Variants in TFB1M observed in about 807,000 individuals in gnomAD.
The protein encoded by TFB1M is transcription factor B1, mitochondrial, also known as dimethyladenosine transferase 1, mitochondrial.
A neutral mutation model predicts 31.1 loss-of-function variants in TFB1M; 27 were observed. The observed-to-expected ratio is 0.87, with a 90% CI of 0.64 to 1.20. The LOEUF (loss-of-function observed/expected upper bound fraction) is 1.20, where lower values mean the gene tolerates loss of function less well. Ranked by LOEUF, TFB1M falls within the 50% of genes most tolerant of loss-of-function variation. The pLI, the probability that TFB1M is intolerant of heterozygous loss-of-function variation, is 0.00. For synonymous variants in TFB1M, 166 were observed against 151.8 expected (o/e 1.09, Z -0.69); for missense variants, 394 against 418.7 (o/e 0.94, Z 0.51).
chr6:155,307,170 T>C (rs1042538647), intron 2 of TFB1M, among the ~76,000 whole-genome samples: 110 of 135,878 alleles, frequency 8.1e-4, no homozygotes, highest in African/African-American at 2.6e-3. Flanking sequence ...CACACACATA[T>C]ACACACAGAC....
chr6:155,288,680 TC>T (rs1776772506), intron 4 of TFB1M, among the ~76,000 whole-genome samples: 1 of 152,158 alleles, frequency 6.6e-6, no homozygotes. Flanking sequence ...GTAGCATATA[TC>T]CCCAGGCTGT....
In TFB1M at chr6:155,264,631, G is replaced by GT. The variant is rs777088910; in HGVS notation, c.667-4232dup. On this transcript the variant is annotated intron_variant, in intron 5 of 6. Transcript: ENST00000367166. ...CCCTTTTTTCTTCCTACAGATCTTT[G>GT]TTTTTTTCTCTTTCTTCTTGGGATC... is the stretch of plus-strand genomic sequence containing the variant. Among the ~76,000 whole-genome samples, 36 of 152,058 alleles carry GT rather than the reference G, an allele frequency of 2.4e-4. 1 individual carries two copies. Among genetic ancestry groups the GT allele is most frequent in the Admixed American group, 6.5e-4 (10 of 15,284 alleles).
Position 155,265,355 on chromosome 6 carries a change from T to C in TFB1M, c.667-4955A>G, listed in dbSNP as rs118119163. On this transcript the variant is annotated intron_variant, in intron 5 of 6. Coordinates refer to ENST00000367166, the MANE Select transcript of TFB1M (RefSeq NM_016020.4). ...TTGATAAATGCTGCTAGTAATATTATTAAAAGACTGAGAAATAGAACATGC... is the reference window on the plus strand; with the variant it reads ...TTGATAAATGCTGCTAGTAATATTACTAAAAGACTGAGAAATAGAACATGC... Among the ~76,000 whole-genome samples the C allele has an allele frequency of 2.9e-4, 44 of 152,334 alleles. No individual in the cohort carries two copies. The East Asian group carries it at 8.5e-3, about 29-fold the overall frequency.
the TFB1M span, among the ~76,000 whole-genome samples, chr6:155,241,367 G>A: frequency 5.3e-5 from 8 of 152,278 alleles, no homozygotes; most frequent in Admixed American, 3.9e-4. Flanking sequence ...TTTGAAGCTC[G>A]CTTCATTTGT....
chr6:155,235,835 T>C, the TFB1M span, among the ~76,000 whole-genome samples: 1 of 152,238 alleles, frequency 6.6e-6, no homozygotes, highest in South Asian at 2.1e-4. Flanking sequence ...TTTTCTAAAA[T>C]GGCAAGATAC....
At chr6:155,237,277 C>T in the TFB1M span, among the ~76,000 whole-genome samples, 2 of 152,272 alleles carry the variant, frequency 1.3e-5, no homozygotes, top group Non-Finnish European at 2.9e-5. Context: ...CCAGGTCACA[C>T]TGATGCAAGA....
At chr6:155,276,990 T>C (rs973933498) in intron 5 of TFB1M, among the ~76,000 whole-genome samples, 5 of 152,254 alleles carry the variant, frequency 3.3e-5, no homozygotes, top group Non-Finnish European at 5.9e-5. Flanking sequence ...AAACTAAGAT[T>C]AGGCAGAACT....
rs773731882 is a variant in TFB1M at position 155,257,903 on chromosome 6, T to G, written c.974A>C (p.Glu325Ala). The G allele has an allele frequency of 1.9e-6, 3 of 1,614,230 alleles. No individual in the cohort carries two copies. The South Asian group carries it at 3.3e-5, about 18-fold the overall frequency. Residue 325 changes from glutamate (E) to alanine (A), a missense_variant, in exon 7 of 7, where the codon GAA (glutamate) becomes GCA (alanine). By Grantham distance (107) the Glu-to-Ala change is moderately radical. This residue lies in a region of TFB1M where 115 missense variants were observed against 144.1 expected (regional missense o/e 0.80). Transcript: ENST00000367166. ...ATTTTTGCTTTTTCTTCGCTTGAGT[T>G]CTTCTCTGAAATTATATGCAAAGAG... ...PQLFAYNFRE[E>A]LKRRKSKNEE...
Position 155,314,446 on chromosome 6 carries a change from A to G in TFB1M, c.-18T>C, listed in dbSNP as rs1045390705. The G allele has an allele frequency of 6.2e-7, 1 of 1,613,904 alleles. No homozygotes were observed. Among genetic ancestry groups the G allele is most frequent in the Admixed American group, 1.7e-5 (1 of 60,012 alleles). ...GCAGCCATGATACGCGGCAAGCACCATCCAACCCTACCTCACCCAGGACCT... is the reference window on the plus strand; with the variant it reads ...GCAGCCATGATACGCGGCAAGCACCGTCCAACCCTACCTCACCCAGGACCT... On this transcript the variant is annotated 5_prime_UTR_variant, in exon 1 of 7. An upstream start codon of the reference 5' UTR is lost. Coordinates refer to ENST00000367166, the MANE Select transcript of TFB1M (RefSeq NM_016020.4).
the TFB1M span, among the ~76,000 whole-genome samples, chr6:155,245,126 G>A: frequency 7.2e-5 from 11 of 152,160 alleles, no homozygotes; most frequent in Non-Finnish European, 1.0e-4. Flanking sequence ...CTTCTTCCCC[G>A]TGGTCATGTG....
chr6:155,279,932 T>C (rs1413627045), intron 5 of TFB1M, among the ~76,000 whole-genome samples: 1 of 152,136 alleles, frequency 6.6e-6, no homozygotes, highest in East Asian at 1.9e-4. Context: ...ACTACTTTAA[T>C]TATAAAAATG....
the TFB1M span, among the ~76,000 whole-genome samples, chr6:155,236,457 G>GT: frequency 1.3e-5 from 2 of 152,088 alleles, no homozygotes; most frequent in East Asian, 3.9e-4. Context: ...GAGGTCAGGA[G>GT]TTTAAGACCA....
At position 155,276,780 on chromosome 6, in the gene TFB1M, G is replaced by A. The variant is rs1270801872; in HGVS notation, c.666+8378C>T. Among the ~76,000 whole-genome samples, 3 of 152,278 alleles carry A rather than the reference G, an allele frequency of 2.0e-5. No homozygotes were observed. The East Asian group carries it at 5.8e-4, about 29-fold the overall frequency. ...AGAATATTATCCACTTTGCTATCTG[G>A]TTGGCAACAACACAGCAACTTGCTT... On this transcript the variant is annotated intron_variant, in intron 5 of 6. Coordinates refer to ENST00000367166, the MANE Select transcript of TFB1M (RefSeq NM_016020.4).
chr6:155,253,496 A>G (rs761299309), downstream of TFB1M: 17 of 175,574 alleles, frequency 9.7e-5, no homozygotes, highest in South Asian at 9.3e-4. Flanking sequence ...TGTTTTGGTG[A>G]CAGGTATCTG....
chr6:155,283,356 T>G (rs1290801306), intron 5 of TFB1M, among the ~76,000 whole-genome samples: 1 of 152,188 alleles, frequency 6.6e-6, no homozygotes, highest in African/African-American at 2.4e-5. Flanking sequence ...ATCCCCTGTA[T>G]GTAATAGTTA....
At chr6:155,262,113 A>G (rs1784420120) in intron 5 of TFB1M, among the ~76,000 whole-genome samples, 1 of 152,174 alleles carries the variant, frequency 6.6e-6, no homozygotes, top group East Asian at 1.9e-4. Context: ...TCAGGGAAAG[A>G]GGGACTGAAG....
the TFB1M span, chr6:155,244,937 A>G: frequency 2.0e-6 from 2 of 982,774 alleles, no homozygotes; most frequent in Non-Finnish European, 2.8e-6. Context: ...TTCCTCTGTC[A>G]GGTGGTAAAG....
the TFB1M span, among the ~76,000 whole-genome samples, chr6:155,233,918 G>A: frequency 2.0e-5 from 3 of 151,000 alleles, no homozygotes; most frequent in East Asian, 1.9e-4. Flanking sequence ...AGCTATGATT[G>A]TACCACAGCA....
chr6:155,253,088 C>A, downstream of TFB1M: 1 of 1,544,034 alleles, frequency 6.5e-7, no homozygotes, highest in Non-Finnish European at 8.9e-7. Context: ...CCAGAAAAAG[C>A]ATTTTAGTAG....
Sources: allele counts gnomAD v4.1 joint callset (sites outside exome capture counted in the v4.1 genomes callset), GRCh38; gene constraint gnomAD v4.1.1; regional missense constraint gnomAD v4.1.1; transcripts MANE v1.5; gene names NCBI Gene and HGNC (gene_info 2026-07-23, HGNC 2026-07-21).